The following RAB27B variants were observed in gnomAD, a reference collection of about 807,000 sequenced individuals.
RAB27B encodes RAB27B, member RAS oncogene family.
Under a neutral mutation model 24.6 loss-of-function variants are expected in RAB27B, and 15 were observed. The observed-to-expected ratio is 0.61, with a 90% CI of 0.41 to 0.94. RAB27B has a LOEUF of 0.94. Ranked by LOEUF, RAB27B falls within the 40% of genes least tolerant of loss-of-function variation. RAB27B has a pLI of 0.00. For synonymous variants in RAB27B, 105 were observed against 92.5 expected (o/e 1.14, Z -0.78); for missense variants, 261 against 266.8 (o/e 0.98, Z 0.15).
At chr18:54,860,363 C>T (rs898827408) in intron 1 of RAB27B, among the ~76,000 whole-genome samples, 1 of 152,152 alleles carries the variant, frequency 6.6e-6, no homozygotes, top group African/African-American at 2.4e-5. Flanking sequence ...CCACGGCCCC[C>T]TAAAGCTTCT....
At chr18:54,720,942 C>T (rs2144970785) in intron 2 of RAB27B, among the ~76,000 whole-genome samples, 1 of 152,104 alleles carries the variant, frequency 6.6e-6, no homozygotes, top group East Asian at 1.9e-4. Flanking sequence ...AAATAAAAGA[C>T]TTAAAGGAAA....
At chr18:54,738,454 T>G (rs751072573) in intron 2 of RAB27B, among the ~76,000 whole-genome samples, 1 of 152,114 alleles carries the variant, frequency 6.6e-6, no homozygotes, top group African/African-American at 2.4e-5. Flanking sequence ...GTTTTTTAAG[T>G]GGCGGTTTCC....
At chr18:54,754,135 A>C (rs1293567544) in intron 2 of RAB27B, among the ~76,000 whole-genome samples, 1 of 151,138 alleles carries the variant, frequency 6.6e-6, no homozygotes, top group Non-Finnish European at 1.5e-5. Flanking sequence ...ACCGGGTGGG[A>C]GGTGATTGCA....
chr18:54,740,183 G>T (rs1314405199), intron 2 of RAB27B, among the ~76,000 whole-genome samples: 1 of 152,146 alleles, frequency 6.6e-6, no homozygotes, highest in East Asian at 1.9e-4. Context: ...TCAGTTACTT[G>T]ATTGATTCTG....
At chr18:54,876,936 C>G (rs754003276) in intron 1 of RAB27B, among the ~76,000 whole-genome samples, 1 of 152,024 alleles carries the variant, frequency 6.6e-6, no homozygotes, top group Non-Finnish European at 1.5e-5. Context: ...TAACTTTTTA[C>G]TTTAAGTTCT....
chr18:54,864,850 T>C (rs1473104493), intron 1 of RAB27B, among the ~76,000 whole-genome samples: 1 of 152,220 alleles, frequency 6.6e-6, no homozygotes, highest in Non-Finnish European at 1.5e-5. Context: ...TCCAACTTTA[T>C]TATTTTTCAG....
chr18:54,757,020 T>C (rs986161343), intron 2 of RAB27B, among the ~76,000 whole-genome samples: 1 of 152,126 alleles, frequency 6.6e-6, no homozygotes, highest in Non-Finnish European at 1.5e-5. Context: ...GCTAGAGGTC[T>C]GGATAGAGCC....
chr18:54,822,886 T>A (rs552947846), intron 2 of RAB27B, among the ~76,000 whole-genome samples: 45 of 152,200 alleles, frequency 3.0e-4, no homozygotes, highest in Non-Finnish European at 5.7e-4. Context: ...GTGAAATTAT[T>A]TGGGCCTTTC....
chr18:54,863,536 A>T (rs1176787258), intron 1 of RAB27B, among the ~76,000 whole-genome samples: 5 of 152,210 alleles, frequency 3.3e-5, no homozygotes, highest in Non-Finnish European at 7.3e-5. Context: ...ATGTATCATA[A>T]AATCTACCCT....
upstream of RAB27B, among the ~76,000 whole-genome samples, chr18:54,823,789 A>G (rs767559746): frequency 3.2e-4 from 49 of 152,336 alleles, no homozygotes; most frequent in South Asian, 1.4e-3. Context: ...TGTTTTCTCT[A>G]TAGAACAAAT....
intron 2 of RAB27B, among the ~76,000 whole-genome samples, chr18:54,783,390 T>C (rs866769479): frequency 6.6e-6 from 1 of 152,192 alleles, no homozygotes; most frequent in Admixed American, 6.5e-5. Flanking sequence ...ATGGCTCTGA[T>C]AGCCATTTGT....
At chr18:54,841,154 C>CGGGG (rs147175917) in intron 1 of RAB27B, among the ~76,000 whole-genome samples, 24 of 8,590 alleles carry the variant, frequency 2.8e-3, no homozygotes, top group African/African-American at 4.0e-3. Flanking sequence ...CTTTGGGTGG[C>CGGGG]GGGGCGGTGG....
chr18:54,736,620 C>G (rs995772138), intron 2 of RAB27B, among the ~76,000 whole-genome samples: 1 of 151,968 alleles, frequency 6.6e-6, no homozygotes, highest in Middle Eastern at 3.2e-3. Context: ...CAAAGGGAAG[C>G]CTTCTTTAGT....
chr18:54,765,093 AAAAC>A (rs1012583933), intron 2 of RAB27B, among the ~76,000 whole-genome samples: 4 of 152,232 alleles, frequency 2.6e-5, no homozygotes, highest in African/African-American at 7.2e-5. Flanking sequence ...AAAAAACAAA[AAAAC>A]AAACAAGCAA....
chr18:54,823,934 C>A (rs764517485), upstream of RAB27B, among the ~76,000 whole-genome samples: 2 of 152,060 alleles, frequency 1.3e-5, no homozygotes, highest in Admixed American at 6.6e-5. Context: ...GCCTCCTAAG[C>A]CCTGGTCTTA....
chr18:54,868,020 G>A (rs1912309703), intron 1 of RAB27B, among the ~76,000 whole-genome samples: 1 of 152,200 alleles, frequency 6.6e-6, no homozygotes. Flanking sequence ...AATGCTGGAG[G>A]TGAGGTCTGG....
At chr18:54,845,781 A>G (rs1911313155) in intron 1 of RAB27B, among the ~76,000 whole-genome samples, 1 of 152,212 alleles carries the variant, frequency 6.6e-6, no homozygotes, top group Admixed American at 6.5e-5. Flanking sequence ...TGGCCAAAAT[A>G]TAATATTAAT....
Position 54,867,115 on chromosome 18 carries a change from C to T in RAB27B, c.-19-10452C>T, listed in dbSNP as rs1202438401. Among the ~76,000 whole-genome samples, 3 of 152,156 alleles carry T rather than the reference C, an allele frequency of 2.0e-5. No individual in the cohort carries two copies. The East Asian group carries it at 5.8e-4, about 29-fold the overall frequency. On this transcript the variant is annotated intron_variant, in intron 1 of 5. Transcript: ENST00000262094. ...GAAAGAGCAGGAAGTGGGGAGCCCA[C>T]TTTCTTTGGTTTAAGTTTAAAAACT...
At chr18:54,761,107 T>G (rs1366829797) in intron 2 of RAB27B, among the ~76,000 whole-genome samples, 1 of 151,998 alleles carries the variant, frequency 6.6e-6, no homozygotes, top group Non-Finnish European at 1.5e-5. Flanking sequence ...GCCCTGTCTC[T>G]CAGAAGTTAT....
Sources: gnomAD v4.1 joint callset for allele counts (sites outside exome capture counted in the v4.1 genomes callset) on GRCh38, gnomAD v4.1.1 for gene constraint, MANE v1.5 for transcripts, NCBI Gene and HGNC (gene_info 2026-07-23, HGNC 2026-07-21) for gene names.